The following CSRNP3 variants were observed in gnomAD, a reference collection of about 807,000 sequenced individuals.
The protein encoded by CSRNP3 is cysteine/serine-rich nuclear protein 3.
A neutral mutation model predicts 48.0 loss-of-function variants in CSRNP3; 12 were observed. That is an observed-to-expected ratio of 0.25 (90% confidence interval 0.16 to 0.41). The LOEUF (loss-of-function observed/expected upper bound fraction) is 0.41, where lower values mean the gene tolerates loss of function less well. CSRNP3 is among the 10% of genes least tolerant of loss of function. The pLI, the probability that CSRNP3 is intolerant of heterozygous loss-of-function variation, is 1.00. For synonymous variants in CSRNP3, 263 were observed against 269.7 expected (o/e 0.98, Z 0.24); for missense variants, 580 against 724.4 (o/e 0.80, Z 2.29).
At chr2:165,522,610 A>G (rs1316216307) in intron 3 of CSRNP3, among the ~76,000 whole-genome samples, 1 of 152,046 alleles carries the variant, frequency 6.6e-6, no homozygotes, top group Non-Finnish European at 1.5e-5. Context: ...AGACTGAGCT[A>G]GCCCCTCAAT....
intron 3 of CSRNP3, among the ~76,000 whole-genome samples, chr2:165,547,332 G>T (rs1174072480): frequency 1.3e-5 from 2 of 152,104 alleles, no homozygotes; most frequent in African/African-American, 4.8e-5. Context: ...CAGTCAAAAG[G>T]TTTGTGCTTT....
chr2:165,470,574 A>AT lies in CSRNP3; in HGVS notation c.-283+843dup, dbSNP rs35452666. On this transcript the variant is annotated intron_variant, in intron 1 of 6. Coordinates refer to ENST00000651982, the MANE Select transcript of CSRNP3 (RefSeq NM_001172173.2). ...ATATTGTTGATAATATCTCTAGGCA[A>AT]TTTTTTTTTAGCAACTTTACTAGGT... is the stretch of plus-strand genomic sequence containing the variant. Among the ~76,000 whole-genome samples, 22 of 151,352 alleles carry AT rather than the reference A, an allele frequency of 1.5e-4. 1 individual carries two copies. The highest frequency in any genetic ancestry group is 3.6e-4 in the African/African-American group (15 of 41,334).
intron 4 of CSRNP3, among the ~76,000 whole-genome samples, chr2:165,609,465 GAAAAAAAAA>G (rs34249194): frequency 7.2e-5 from 7 of 97,572 alleles, no homozygotes; most frequent in South Asian, 4.1e-4. Context: ...TCTAAAAAAA[GAAAAAAAAA>G]AAAAAAAAAA....
intron 2 of CSRNP3, among the ~76,000 whole-genome samples, chr2:165,511,770 A>G (rs955753537): frequency 6.6e-5 from 10 of 152,206 alleles, no homozygotes; most frequent in African/African-American, 2.4e-4. Context: ...TAAGATTGCC[A>G]GGCACTACAG....
intron 3 of CSRNP3, among the ~76,000 whole-genome samples, chr2:165,586,809 A>C (rs1021251361): frequency 1.3e-5 from 2 of 152,254 alleles, no homozygotes; most frequent in African/African-American, 4.8e-5. Flanking sequence ...AAAATAAACA[A>C]GATTTCAAGA....
intron 3 of CSRNP3, among the ~76,000 whole-genome samples, chr2:165,591,236 G>T (rs1207090089): frequency 1.3e-5 from 2 of 152,182 alleles, no homozygotes; most frequent in Non-Finnish European, 2.9e-5. Flanking sequence ...GCAGCATTTT[G>T]TCACTGCCCC....
intron 3 of CSRNP3, among the ~76,000 whole-genome samples, chr2:165,519,436 G>C (rs1053227071): frequency 7.9e-5 from 12 of 152,158 alleles, no homozygotes; most frequent in Admixed American, 7.9e-4. Context: ...ACAGGGATTT[G>C]AAATGGGTGG....
chr2:165,658,846 C>A (rs1200893971), intron 5 of CSRNP3, among the ~76,000 whole-genome samples: 1 of 152,106 alleles, frequency 6.6e-6, no homozygotes, highest in East Asian at 1.9e-4. Flanking sequence ...CCCACTGGGT[C>A]CCTGCCACAA....
chr2:165,624,362 C>T (rs780831130), intron 4 of CSRNP3, among the ~76,000 whole-genome samples: 27 of 152,320 alleles, frequency 1.8e-4, no homozygotes, highest in Admixed American at 3.9e-4. Flanking sequence ...TCTATAGAAT[C>T]GCCAAAGAGG....
chr2:165,648,509 T>A (rs1558961461), intron 4 of CSRNP3, among the ~76,000 whole-genome samples: 1 of 152,178 alleles, frequency 6.6e-6, no homozygotes, highest in Non-Finnish European at 1.5e-5. Flanking sequence ...ATTTTTTTGC[T>A]TTCTTGATCT....
At chr2:165,601,547 T>A (rs956711183) in intron 4 of CSRNP3, among the ~76,000 whole-genome samples, 16 of 152,344 alleles carry the variant, frequency 1.1e-4, no homozygotes, top group South Asian at 2.1e-4. Context: ...GTTGTGTGAT[T>A]AGGAGCCAAT....
intron 3 of CSRNP3, among the ~76,000 whole-genome samples, chr2:165,570,262 C>T (rs1269674790): frequency 6.6e-6 from 1 of 151,962 alleles, no homozygotes; most frequent in Non-Finnish European, 1.5e-5. Context: ...TGATATCCAC[C>T]TTTAAATATC....
intron 1 of CSRNP3, among the ~76,000 whole-genome samples, chr2:165,471,354 A>AC (rs1193323898): frequency 2.0e-5 from 3 of 151,912 alleles, no homozygotes; most frequent in Non-Finnish European, 2.9e-5. Flanking sequence ...AAATTAATCC[A>AC]CCCCTCACCC....
At chr2:165,638,971 C>T (rs1003557110) in intron 4 of CSRNP3, among the ~76,000 whole-genome samples, 1 of 152,138 alleles carries the variant, frequency 6.6e-6, no homozygotes, top group South Asian at 2.1e-4. Flanking sequence ...CTGGTCATAA[C>T]ATTTTCATCC....
intron 4 of CSRNP3, among the ~76,000 whole-genome samples, chr2:165,610,173 G>A (rs1414433958): frequency 6.6e-6 from 1 of 152,180 alleles, no homozygotes; most frequent in East Asian, 1.9e-4. Context: ...AGTCAGGCGA[G>A]CCTTTGATTC....
At position 165,570,325 on chromosome 2, in the gene CSRNP3, A is replaced by G. The variant is rs569720051; in HGVS notation, c.-23-24718A>G. On this transcript the variant is annotated intron_variant, in intron 3 of 6. Coordinates refer to ENST00000651982, the MANE Select transcript of CSRNP3 (RefSeq NM_001172173.2). Reference sequence around the variant, plus strand: ...TCTTATATTTAAAACCATACACTATAGACTTCCCATTGGAGACTCACAATT... The same window carrying G: ...TCTTATATTTAAAACCATACACTATGGACTTCCCATTGGAGACTCACAATT... 2.6e-5 allele frequency among the ~76,000 whole-genome samples: 4 copies of G among 152,172 alleles called. No homozygotes were observed. In the South Asian group the frequency reaches 8.3e-4, roughly 31 times the overall value.
intron 1 of CSRNP3, among the ~76,000 whole-genome samples, chr2:165,479,200 TTAAG>T (rs1292471976): frequency 6.6e-6 from 1 of 151,938 alleles, no homozygotes; most frequent in African/African-American, 2.4e-5. Context: ...AAAAGGAAAA[TTAAG>T]TAACGTAGGC....
chr2:165,509,668 T>G (rs910093913), intron 2 of CSRNP3, among the ~76,000 whole-genome samples: 2 of 152,220 alleles, frequency 1.3e-5, no homozygotes, highest in Admixed American at 1.3e-4. Flanking sequence ...AGAGTTCCCA[T>G]GCACCCTTTG....
chr2:165,474,377 G>C (rs1051312385), intron 1 of CSRNP3, among the ~76,000 whole-genome samples: 2 of 152,022 alleles, frequency 1.3e-5, no homozygotes, highest in Non-Finnish European at 2.9e-5. Flanking sequence ...GTGGCTGGGG[G>C]ATTGCAGGCT....
Sources: allele counts gnomAD v4.1 joint callset (sites outside exome capture counted in the v4.1 genomes callset), GRCh38; gene constraint gnomAD v4.1.1; transcripts MANE v1.5; gene names NCBI Gene and HGNC (gene_info 2026-07-23, HGNC 2026-07-21).